LARGE1: variants seen among roughly 807,000 people sequenced by gnomAD.
The protein encoded by LARGE1 is LARGE xylosyl- and glucuronyltransferase 1.
A neutral mutation model predicts 87.6 loss-of-function variants in LARGE1; 43 were observed. That is an observed-to-expected ratio of 0.49 (90% CI 0.38 to 0.63). The LOEUF is 0.63. Ranked by LOEUF, LARGE1 falls within the 30% of genes least tolerant of loss-of-function variation. The probability of loss-of-function intolerance (pLI) is 0.00; values close to 1 mark genes in which losing one functional copy is unlikely to be tolerated. For synonymous variants in LARGE1, 434 were observed against 394.6 expected (o/e 1.10, Z -1.18); for missense variants, 802 against 1,000.2 (o/e 0.80, Z 2.67).
At chr22:33,847,002 A>C (rs2146469034) in intron 1 of LARGE1, among the ~76,000 whole-genome samples, 1 of 152,244 alleles carries the variant, frequency 6.6e-6, no homozygotes, top group East Asian at 1.9e-4. Flanking sequence ...TCTGTGACCC[A>C]CACCCTATTC....
chr22:33,259,085 G>A (rs900618673), intron 11 of LARGE1, among the ~76,000 whole-genome samples: 3 of 151,944 alleles, frequency 2.0e-5, no homozygotes, highest in Non-Finnish European at 4.4e-5. Context: ...TCACCATGTT[G>A]GCCAGGATGG....
chr22:33,630,964 T>A (rs1393016463), intron 3 of LARGE1, among the ~76,000 whole-genome samples: 1 of 152,080 alleles, frequency 6.6e-6, no homozygotes, highest in Non-Finnish European at 1.5e-5. Context: ...GCGATTCTCC[T>A]GCCTCAGTCT....
chr22:33,914,954 C>A (rs960857665), intron 1 of LARGE1, among the ~76,000 whole-genome samples: 2 of 151,286 alleles, frequency 1.3e-5, no homozygotes, highest in African/African-American at 4.9e-5. Context: ...ATTAAAGCAT[C>A]CTGTCTCCCA....
intron 5 of LARGE1, among the ~76,000 whole-genome samples, chr22:33,587,585 C>G (rs2078713127): frequency 6.6e-6 from 1 of 152,156 alleles, no homozygotes; most frequent in Non-Finnish European, 1.5e-5. Context: ...TTATCTGCAA[C>G]AGCTCCTTAT....
intron 11 of LARGE1, among the ~76,000 whole-genome samples, chr22:33,220,428 G>A (rs1008084025): frequency 3.3e-5 from 5 of 152,136 alleles, no homozygotes; most frequent in African/African-American, 9.7e-5. Context: ...AAAGACAGAG[G>A]GAAATGGAGA....
chr22:33,922,558 A>T (rs1327451185), upstream of LARGE1: 1 of 152,180 alleles, frequency 6.6e-6, no homozygotes, highest in Non-Finnish European at 1.5e-5. Flanking sequence ...CGAAGAAGTA[A>T]AAGACGTTTG....
chr22:33,867,517 C>T (rs1219578177), intron 1 of LARGE1, among the ~76,000 whole-genome samples: 2 of 152,166 alleles, frequency 1.3e-5, no homozygotes, highest in Non-Finnish European at 2.9e-5. Flanking sequence ...TGCCTTCTAG[C>T]GCTGGTTCTA....
the LARGE1 span, among the ~76,000 whole-genome samples, chr22:33,125,229 C>T: frequency 3.9e-5 from 6 of 152,244 alleles, no homozygotes; most frequent in South Asian, 6.2e-4. Flanking sequence ...AGATGAGTCC[C>T]GCCTGCCTCC....
At chr22:33,303,915 G>C (rs981381566) in intron 12 of LARGE1, among the ~76,000 whole-genome samples, 1 of 152,124 alleles carries the variant, frequency 6.6e-6, no homozygotes, top group Non-Finnish European at 1.5e-5. Flanking sequence ...GAGCCATCGC[G>C]TGCCTGCCTG....
chr22:33,203,588 T>A (rs1924524564), intron 11 of LARGE1, among the ~76,000 whole-genome samples: 1 of 151,912 alleles, frequency 6.6e-6, no homozygotes, highest in African/African-American at 2.4e-5. Context: ...TTGTTTATAG[T>A]GAGGGGAGAG....
intron 1 of LARGE1, among the ~76,000 whole-genome samples, chr22:33,899,111 C>G (rs886386133): frequency 1.3e-5 from 2 of 152,164 alleles, no homozygotes; most frequent in Non-Finnish European, 2.9e-5. Context: ...ATCTCAATCT[C>G]GCCATGAAAA....
chr22:33,067,372 G>C, the LARGE1 span, among the ~76,000 whole-genome samples: 1 of 151,952 alleles, frequency 6.6e-6, no homozygotes, highest in Non-Finnish European at 1.5e-5. Flanking sequence ...CTAGAGATTT[G>C]GGTTCAAATC....
At chr22:33,607,370 A>G (rs1211491974) in intron 4 of LARGE1, among the ~76,000 whole-genome samples, 4 of 149,556 alleles carry the variant, frequency 2.7e-5, no homozygotes, top group Non-Finnish European at 5.9e-5. Flanking sequence ...TTGAGGCAGG[A>G]GCAGCACTTG....
chr22:33,734,837 CA>C (rs2083599029), intron 2 of LARGE1, among the ~76,000 whole-genome samples: 1 of 152,028 alleles, frequency 6.6e-6, no homozygotes. Flanking sequence ...GAGACATAGG[CA>C]AAAGGAAACA....
intron 2 of LARGE1, among the ~76,000 whole-genome samples, chr22:33,651,042 A>C (rs888801727): frequency 4.6e-5 from 7 of 151,738 alleles, no homozygotes; most frequent in African/African-American, 1.7e-4. Flanking sequence ...GGGGAGAAGG[A>C]GTACCAGGAA....
intron 2 of LARGE1, chr22:33,732,220 C>G (rs2083495098): frequency 6.6e-6 from 1 of 152,194 alleles, no homozygotes; most frequent in East Asian, 1.9e-4. Flanking sequence ...TGTGCAGGAG[C>G]TGTGGTCTTC....
At chr22:33,455,698 G>A (rs983248297) in intron 6 of LARGE1, among the ~76,000 whole-genome samples, 2 of 141,946 alleles carry the variant, frequency 1.4e-5, no homozygotes, top group African/African-American at 5.3e-5. Context: ...AGGTTGCAGT[G>A]AGCTGAGATC....
At chr22:33,521,305 G>A (rs1050390877) in intron 6 of LARGE1, among the ~76,000 whole-genome samples, 3 of 152,196 alleles carry the variant, frequency 2.0e-5, no homozygotes, top group Non-Finnish European at 4.4e-5. Flanking sequence ...TTTGGGCTAC[G>A]GTGCTCATGC....
chr22:33,909,818 A>G (rs923106344), intron 1 of LARGE1, among the ~76,000 whole-genome samples: 5 of 152,102 alleles, frequency 3.3e-5, no homozygotes, highest in African/African-American at 4.8e-5. Context: ...GATTACAGGC[A>G]TGAGCCACCA....
Sources: allele counts gnomAD v4.1 joint callset (sites outside exome capture counted in the v4.1 genomes callset), GRCh38; gene constraint gnomAD v4.1.1; transcripts MANE v1.5; gene names NCBI Gene and HGNC (gene_info 2026-07-23, HGNC 2026-07-21).